Variants in FGD6 observed in about 807,000 individuals in gnomAD.
The protein encoded by FGD6 is FYVE, RhoGEF and PH domain-containing protein 6.
FGD6 carries 90 observed loss-of-function variants against 149.4 expected under a neutral mutation model. The observed-to-expected ratio is 0.60, with a 90% CI of 0.51 to 0.72. The LOEUF is 0.72. Ranked by LOEUF, FGD6 falls within the 30% of genes least tolerant of loss-of-function variation. The pLI is 0.00. For synonymous variants in FGD6, 527 were observed against 584.0 expected (o/e 0.90, Z 1.41); for missense variants, 1,437 against 1,684.8 (o/e 0.85, Z 2.57).
chr12:95,196,045 G>A (rs1398299495), intron 2 of FGD6, among the ~76,000 whole-genome samples: 6 of 152,040 alleles, frequency 3.9e-5, no homozygotes, highest in East Asian at 1.9e-4. Flanking sequence ...GCTTGAAACC[G>A]GGAGGCGGAG....
At chr12:95,180,234 G>C (rs1431452834) in intron 2 of FGD6, among the ~76,000 whole-genome samples, 1 of 152,094 alleles carries the variant, frequency 6.6e-6, no homozygotes, top group Non-Finnish European at 1.5e-5. Flanking sequence ...CATGTAAAAA[G>C]TGTGTATATT....
At chr12:95,100,064 C>A (rs1017790171) in intron 14 of FGD6, among the ~76,000 whole-genome samples, 10 of 129,996 alleles carry the variant, frequency 7.7e-5, no homozygotes, top group Non-Finnish European at 1.2e-4. Flanking sequence ...ATCCCCCCCC[C>A]CCCCACCCCA....
intron 13 of FGD6, 71 bp downstream of exon 13, chr12:95,106,883 G>C (rs1221027567): frequency 3.5e-6 from 4 of 1,138,256 alleles, no homozygotes; most frequent in Non-Finnish European, 3.9e-6. Context: ...GACAGAATGA[G>C]ACCCCGTCTC....
intron 5 of FGD6, among the ~76,000 whole-genome samples, chr12:95,145,135 G>A (rs1255992805): frequency 1.3e-5 from 2 of 151,464 alleles, no homozygotes; most frequent in South Asian, 4.2e-4. Flanking sequence ...TTATAGGTGT[G>A]TGCCACCACA....
At chr12:95,172,304 A>G (rs1049811583) in intron 3 of FGD6, among the ~76,000 whole-genome samples, 4 of 152,022 alleles carry the variant, frequency 2.6e-5, no homozygotes, top group Non-Finnish European at 5.9e-5. Flanking sequence ...TGAACCCGGG[A>G]GGTAAAGGTT....
rs1463268311 is a variant in FGD6, at chr12:95,149,212, T to TA, written c.2685+3598_2685+3599insT. ...TATATAGCATATATAATATTATATA[T>TA]TATATAATATATAGCATATATATTA... On this transcript the variant is annotated intron_variant, in intron 5 of 20. Coordinates refer to ENST00000343958, the MANE Select transcript of FGD6 (RefSeq NM_018351.4). 7.9e-5 allele frequency among the ~76,000 whole-genome samples: 2 copies of TA among 25,456 alleles called. 1 individual carries two copies. Among genetic ancestry groups the TA allele is most frequent in the African/African-American group, 2.7e-4 (2 of 7,342 alleles). The allele number at this position is 25,456 out of a possible 152,430, so 16.7% of individuals were successfully genotyped here.
intron 14 of FGD6, among the ~76,000 whole-genome samples, chr12:95,096,562 C>T (rs1878238565): frequency 6.6e-6 from 1 of 152,220 alleles, no homozygotes; most frequent in Admixed American, 6.5e-5. Context: ...TTAACAGTTA[C>T]TACGTCAGCC....
intron 8 of FGD6, among the ~76,000 whole-genome samples, chr12:95,134,407 C>CGTA (rs1879608339): frequency 6.6e-6 from 1 of 152,078 alleles, no homozygotes; most frequent in Admixed American, 6.6e-5. Context: ...AGTTGGGGAA[C>CGTA]GTACCTTCTT....
intron 3 of FGD6, among the ~76,000 whole-genome samples, chr12:95,158,271 G>T (rs567025455): frequency 6.7e-6 from 1 of 148,716 alleles, no homozygotes; most frequent in African/African-American, 2.5e-5. Flanking sequence ...GGGTTCAAGC[G>T]ATTCTCCTGC....
intron 8 of FGD6, among the ~76,000 whole-genome samples, chr12:95,129,964 A>G (rs1050631109): frequency 1.3e-5 from 2 of 152,158 alleles, no homozygotes; most frequent in Non-Finnish European, 2.9e-5. Context: ...GTGAGCCATC[A>G]TGCCCAGCCA....
intron 2 of FGD6, among the ~76,000 whole-genome samples, chr12:95,183,144 G>A (rs1881332537): frequency 1.3e-5 from 2 of 152,202 alleles, no homozygotes; most frequent in Admixed American, 1.3e-4. Context: ...GCTCCAAATG[G>A]TCTCACTACA....
At chr12:95,177,740 G>A (rs565684185) in intron 2 of FGD6, among the ~76,000 whole-genome samples, 9 of 152,084 alleles carry the variant, frequency 5.9e-5, no homozygotes, top group African/African-American at 2.2e-4. Context: ...AAGTTATTTA[G>A]TAGTTATTAT....
chr12:95,090,313 T>C (rs932690988), intron 17 of FGD6, among the ~76,000 whole-genome samples: 1 of 151,982 alleles, frequency 6.6e-6, no homozygotes, highest in African/African-American at 2.4e-5. Flanking sequence ...AAGGGGCTGG[T>C]TTGAAGCAAA....
At position 95,150,058 on chromosome 12, in the gene FGD6, G is replaced by A. The variant is rs184226729; in HGVS notation, c.2685+2753C>T. On this transcript the variant is annotated intron_variant, in intron 5 of 20. Transcript: ENST00000343958. The stretch of plus-strand genomic sequence containing the variant: ...CTTTTTTTTTTTGAGAGGGAGTTTC[G>A]CTCTTGTTGCCCAGGCTGGAGTGCA... Among the ~76,000 whole-genome samples the A allele has an allele frequency of 6.4e-3, 881 of 138,328 alleles. 16 individuals carry two copies. The highest frequency in any genetic ancestry group is 0.022 in the African/African-American group (825 of 36,892). 90.7% of individuals were successfully genotyped at this position (138,328 alleles called of 152,430 possible).
intron 1 of FGD6, among the ~76,000 whole-genome samples, chr12:95,211,910 C>T (rs1174151397): frequency 1.3e-5 from 2 of 152,136 alleles, no homozygotes; most frequent in Non-Finnish European, 2.9e-5. Flanking sequence ...TTCTTCAATT[C>T]ATTTGCCAAG....
chr12:95,108,219 G>C, intron 11 of FGD6, 129 bp downstream of exon 11: 3 of 795,510 alleles, frequency 3.8e-6, no homozygotes, highest in Non-Finnish European at 6.0e-6. Context: ...GTTTTGAACG[G>C]ATAAAGTGAT....
At chr12:95,081,901 A>T (rs1269222834) in intron 20 of FGD6, among the ~76,000 whole-genome samples, 2 of 151,906 alleles carry the variant, frequency 1.3e-5, no homozygotes, top group Non-Finnish European at 2.9e-5. Context: ...TGGACTCCCG[A>T]CCTCATGTGA....
chr12:95,094,531 A>G, intron 15 of FGD6, 61 bp downstream of exon 15: 2 of 1,146,024 alleles, frequency 1.7e-6, no homozygotes, highest in Non-Finnish European at 2.6e-6. Context: ...ACCCCTGTGA[A>G]ATGTTTAAGG....
chr12:95,159,506 C>T (rs942905160), intron 3 of FGD6, among the ~76,000 whole-genome samples: 1 of 152,180 alleles, frequency 6.6e-6, no homozygotes, highest in African/African-American at 2.4e-5. Flanking sequence ...ATTCGCAAAT[C>T]ATGATTCTGA....
Sources: allele counts gnomAD v4.1 joint callset (sites outside exome capture counted in the v4.1 genomes callset), GRCh38; gene constraint gnomAD v4.1.1; transcripts MANE v1.5; gene names NCBI Gene and HGNC (gene_info 2026-07-23, HGNC 2026-07-21).